TBCE: variants seen among roughly 807,000 people sequenced by gnomAD.
TBCE encodes tubulin-specific chaperone E.
A neutral mutation model predicts 77.0 loss-of-function variants in TBCE; 53 were observed. The ratio of observed to expected loss-of-function variants is 0.69; its 90% CI spans 0.55 to 0.87. The LOEUF is 0.87. TBCE is among the 40% of genes least tolerant of loss of function. The pLI, the probability that TBCE is intolerant of heterozygous loss-of-function variation, is 0.00. For missense variants in TBCE, 624 were observed against 622.4 expected, an observed-to-expected ratio of 1.00 and a Z score of -0.03; for synonymous variants, 235 against 241.3, an observed-to-expected ratio of 0.97 and a Z score of 0.24.
intron 3 of TBCE, among the ~76,000 whole-genome samples, chr1:235,411,960 C>T (rs563702807): frequency 2.6e-5 from 4 of 151,698 alleles, no homozygotes; most frequent in Admixed American, 6.6e-5. Context: ...CCAGACTGCT[C>T]GTAGGAAAGG....
At chr1:235,436,131 T>G (rs2102923451) in intron 9 of TBCE, 1 of 601,870 alleles carries the variant, frequency 1.7e-6, no homozygotes, top group East Asian at 2.8e-5. Flanking sequence ...AGACCGTGTC[T>G]CTTTCCTCTG....
In TBCE at chr1:235,450,039, T is replaced by C. The variant is rs903583114; in HGVS notation, c.*1277T>C. On this transcript the variant is annotated 3_prime_UTR_variant, in exon 17 of 17. Coordinates refer to ENST00000642610, the MANE Select transcript of TBCE (RefSeq NM_003193.5). ...CAGTACAAGTTGATTTTTAAGGAAA[T>C]TTGTGCAAACATTAAGAAACACCGC... 19 of 715,850 alleles carry C rather than the reference T, an allele frequency of 2.7e-5. No individual in the cohort carries two copies. The South Asian group carries it at 5.4e-4, about 20-fold the overall frequency. 44.3% of individuals were successfully genotyped at this position (715,850 alleles called of 1,614,324 possible).
intron 2 of TBCE, among the ~76,000 whole-genome samples, chr1:235,396,958 A>ATTTATTTC (rs774508014): frequency 7.5e-6 from 1 of 133,430 alleles, no homozygotes. Flanking sequence ...TTGATTGTTT[A>ATTTATTTC]TTTATTTATT....
At chr1:235,442,014 T>C (rs1681911748) in intron 14 of TBCE, 132 bp downstream of exon 14, 1 of 779,094 alleles carries the variant, frequency 1.3e-6, no homozygotes, top group African/African-American at 1.8e-5. Context: ...GAAAATTTTT[T>C]TTTTTTTTTT....
At chr1:235,414,360 C>T in intron 3 of TBCE, 73 bp from the exon 4 acceptor site, 2 of 1,512,346 alleles carry the variant, frequency 1.3e-6, no homozygotes, top group Non-Finnish European at 1.8e-6. Context: ...TTTTGAAGAC[C>T]TTCAGAAAAT....
chr1:235,410,548 G>A (rs1359451192), intron 3 of TBCE, among the ~76,000 whole-genome samples: 2 of 152,136 alleles, frequency 1.3e-5, no homozygotes, highest in Admixed American at 6.5e-5. Context: ...TCATCAGCAA[G>A]GTCTTTAATG....
intron 4 of TBCE, chr1:235,414,849 G>T: frequency 1.9e-6 from 1 of 514,712 alleles, no homozygotes. Context: ...AATATTTATT[G>T]GCCCATTATT....
chr1:235,437,582 C>G, intron 12 of TBCE, 108 bp downstream of exon 12: 1 of 1,334,948 alleles, frequency 7.5e-7, no homozygotes, highest in Non-Finnish European at 1.0e-6. Flanking sequence ...GAGGCTGGGG[C>G]AGGCTGATCG....
At chr1:235,372,827 G>A (rs1252898585) in intron 1 of TBCE, among the ~76,000 whole-genome samples, 1 of 151,524 alleles carries the variant, frequency 6.6e-6, no homozygotes, top group Non-Finnish European at 1.5e-5. Flanking sequence ...GGGAGGCTGA[G>A]GCAGGAGAAT....
intron 2 of TBCE, among the ~76,000 whole-genome samples, chr1:235,400,188 G>C (rs1005401700): frequency 1.3e-5 from 2 of 151,942 alleles, no homozygotes; most frequent in African/African-American, 2.4e-5. Context: ...ACTCATATGT[G>C]TGACATTTTA....
chr1:235,414,302 T>G (rs1164827423), intron 3 of TBCE, 131 bp from the exon 4 acceptor site: 9 of 767,972 alleles, frequency 1.2e-5, no homozygotes, highest in Non-Finnish European at 2.0e-5. Context: ...TATTTTAGTA[T>G]GTGATATTCT....
chr1:235,404,882 G>A (rs565679548), intron 3 of TBCE, among the ~76,000 whole-genome samples: 6 of 151,190 alleles, frequency 4.0e-5, no homozygotes, highest in Admixed American at 1.3e-4. Context: ...GGCTGGTGTC[G>A]AACCCCTGAC....
chr1:235,404,420 A>AT (rs1001621866), intron 3 of TBCE, among the ~76,000 whole-genome samples: 9 of 151,128 alleles, frequency 6.0e-5, no homozygotes, highest in African/African-American at 2.2e-4. Flanking sequence ...AGATCTCATC[A>AT]TAAAAAAAAA....
At chr1:235,391,280 G>A (rs72759710) in intron 2 of TBCE, among the ~76,000 whole-genome samples, 23,929 of 151,800 alleles carry the variant, frequency 0.16, 2,545 homozygotes, top group African/African-American at 0.3. Flanking sequence ...TCAAGAGTTC[G>A]AGACCAGCCT....
At chr1:235,412,418 C>T (rs2102879290) in intron 3 of TBCE, among the ~76,000 whole-genome samples, 1 of 150,370 alleles carries the variant, frequency 6.7e-6, no homozygotes, top group African/African-American at 2.4e-5. Flanking sequence ...TTAATAGAGG[C>T]AGGGTTTCAC....
At chr1:235,434,618 C>G (rs1334390937) in intron 8 of TBCE, among the ~76,000 whole-genome samples, 1 of 151,266 alleles carries the variant, frequency 6.6e-6, no homozygotes, top group Non-Finnish European at 1.5e-5. Flanking sequence ...CTCACTGTAA[C>G]CTCCGCCTCC....
intron 13 of TBCE, 161 bp downstream of exon 13, chr1:235,439,083 G>T: frequency 1.1e-6 from 1 of 928,554 alleles, no homozygotes; most frequent in Non-Finnish European, 1.7e-6. Flanking sequence ...TTCCTGGGGC[G>T]AGGGCGGCAG....
Position 235,369,246 on chromosome 1 carries a change from T to C in TBCE, c.-32+1742T>C, listed in dbSNP as rs191648680. Among the ~76,000 whole-genome samples the C allele has an allele frequency of 3.5e-3, 532 of 151,842 alleles. 4 individuals carry two copies. Among genetic ancestry groups the C allele is most frequent in the African/African-American group, 0.012 (513 of 41,374 alleles). On this transcript the variant is annotated intron_variant, in intron 1 of 16. Coordinates refer to ENST00000642610, the MANE Select transcript of TBCE (RefSeq NM_003193.5). ...AAAGTCGGCCGGGCGTGGTGGCTCA[T>C]GCCTGTAATCCCAGCACTTTGGGAG...
chr1:235,433,972 G>A (rs1390522092), intron 7 of TBCE: 1 of 577,510 alleles, frequency 1.7e-6, no homozygotes, highest in Non-Finnish European at 3.1e-6. Context: ...TACCTCCAAG[G>A]CCTCAAAGTG....
Sources: gnomAD v4.1 joint callset for allele counts (sites outside exome capture counted in the v4.1 genomes callset) on GRCh38, gnomAD v4.1.1 for gene constraint, MANE v1.5 for transcripts, NCBI Gene and HGNC (gene_info 2026-07-23, HGNC 2026-07-21) for gene names.